The following TRAPPC9 variants were observed in gnomAD, a reference collection of about 807,000 sequenced individuals.
TRAPPC9 encodes the protein IKK2 binding protein.
TRAPPC9 carries 83 observed loss-of-function variants against 124.0 expected under a neutral mutation model. The observed-to-expected ratio is 0.67, with a 90% CI of 0.56 to 0.80. The LOEUF is 0.80. Ranked by LOEUF, TRAPPC9 falls within the 30% of genes least tolerant of loss-of-function variation. The probability of loss-of-function intolerance (pLI) is 0.00; values close to 1 mark genes in which losing one functional copy is unlikely to be tolerated. For synonymous variants in TRAPPC9, 638 were observed against 617.5 expected, an observed-to-expected ratio of 1.03 and a Z score of -0.49; for missense variants, 1,302 against 1,508.3, an observed-to-expected ratio of 0.86 and a Z score of 2.27.
At position 140,353,382 on chromosome 8, in the gene TRAPPC9, AT is replaced by A. The variant is rs1293655521; in HGVS notation, c.1495+6667del. ...TTAATATGACCTATTTATAGTATGC[AT>A]TTTTTCCCCTTCTTTTCGTAAGTAT... On this transcript the variant is annotated intron_variant, in intron 9 of 22. Coordinates refer to ENST00000438773, the MANE Select transcript of TRAPPC9 (RefSeq NM_001160372.4). This position sits in a 1 kb window ranked among gnomAD's most constrained non-coding sequence, Gnocchi z 4.2. Among the ~76,000 whole-genome samples the A allele has an allele frequency of 4.0e-5, 6 of 151,182 alleles. No homozygotes were observed. Among genetic ancestry groups the A allele is most frequent in the Admixed American group, 2.0e-4 (3 of 15,178 alleles).
intron 17 of TRAPPC9, among the ~76,000 whole-genome samples, chr8:140,076,800 T>C (rs79157138): frequency 2.0e-5 from 3 of 152,198 alleles, no homozygotes; most frequent in Non-Finnish European, 2.9e-5. Context: ...AAATTTGTAG[T>C]TGACATAGAT....
At chr8:139,982,302 C>T (rs980445790) in intron 19 of TRAPPC9, among the ~76,000 whole-genome samples, 2 of 152,170 alleles carry the variant, frequency 1.3e-5, no homozygotes, top group East Asian at 1.9e-4. Context: ...CACAGAAAGG[C>T]GGGCGGTGGA....
At chr8:140,272,600 G>C (rs779103327) in intron 15 of TRAPPC9, among the ~76,000 whole-genome samples, 6 of 152,076 alleles carry the variant, frequency 3.9e-5, no homozygotes, top group Non-Finnish European at 7.4e-5. Flanking sequence ...AGGGAGAAGA[G>C]GTTTTATTTG....
At chr8:140,454,346 G>A (rs968598800) in intron 1 of TRAPPC9, among the ~76,000 whole-genome samples, 3 of 151,042 alleles carry the variant, frequency 2.0e-5, no homozygotes, top group Non-Finnish European at 4.4e-5. Context: ...CATCTAAAAA[G>A]CAGCATAATC....
intron 18 of TRAPPC9, among the ~76,000 whole-genome samples, chr8:140,021,133 A>C (rs4736130): frequency 0.77 from 117,842 of 152,158 alleles, 46,442 homozygotes; most frequent in African/African-American, 0.93. Context: ...TTTGAGTCCT[A>C]CACATTGCCA....
chr8:139,778,094 T>C (rs954866161), intron 21 of TRAPPC9, among the ~76,000 whole-genome samples: 1 of 152,086 alleles, frequency 6.6e-6, no homozygotes, highest in Non-Finnish European at 1.5e-5. Context: ...CAAGAAACAC[T>C]TGAGAAGTTA....
At chr8:140,190,854 C>T (rs1045702293) in intron 17 of TRAPPC9, among the ~76,000 whole-genome samples, 7 of 152,126 alleles carry the variant, frequency 4.6e-5, no homozygotes, top group Non-Finnish European at 5.9e-5. Flanking sequence ...AGAACAGAGA[C>T]GAATAGAGGG....
intron 21 of TRAPPC9, among the ~76,000 whole-genome samples, chr8:139,779,859 C>T (rs564932150): frequency 2.6e-5 from 4 of 152,188 alleles, no homozygotes; most frequent in Admixed American, 6.5e-5. Context: ...AAAAGTCAAT[C>T]GCTTTCCTAT....
At chr8:139,947,924 C>A (rs28497112) in intron 19 of TRAPPC9, among the ~76,000 whole-genome samples, 2,042 of 82,866 alleles carry the variant, frequency 0.025, 113 homozygotes, top group African/African-American at 0.077. Context: ...AGAGAGAGAG[C>A]GAGAGAGAGA....
chr8:139,959,117 C>T lies in TRAPPC9; in HGVS notation c.2810+29609G>A, dbSNP rs184393506. On this transcript the variant is annotated intron_variant, in intron 19 of 22. Coordinates refer to ENST00000438773, the MANE Select transcript of TRAPPC9 (RefSeq NM_001160372.4). ...GGGGAGCCCTGCATTCCGAGTCACA[C>T]AGGGGACTGGCTCCCAGCTTGGCCA... Among the ~76,000 whole-genome samples the T allele has an allele frequency of 2.3e-3, 352 of 152,104 alleles. 2 individuals are homozygous for T. The highest frequency in any genetic ancestry group is 8.2e-3 in the African/African-American group (340 of 41,362).
chr8:140,087,259 C>T lies in TRAPPC9; in HGVS notation c.2557-63180G>A, dbSNP rs1160891067. Among the ~76,000 whole-genome samples the T allele has an allele frequency of 5.3e-5, 8 of 152,146 alleles. No homozygotes were observed. Among genetic ancestry groups the T allele is most frequent in the Admixed American group, 5.2e-4 (8 of 15,276 alleles). The stretch of plus-strand genomic sequence containing the variant: ...TCCTCTGTCTCCCGTGCCCTCCCCC[C>T]GGCCCCATCACCCTGCAGATGTCGG... On this transcript the variant is annotated intron_variant, in intron 17 of 22. Transcript: ENST00000438773. This position sits in a 1 kb window ranked among gnomAD's most constrained non-coding sequence, Gnocchi z 4.6.
Position 140,230,033 on chromosome 8 carries a change from G to C in TRAPPC9, c.2432-8450C>G, listed in dbSNP as rs1479353555. On this transcript the variant is annotated intron_variant, in intron 16 of 22. Coordinates refer to ENST00000438773, the MANE Select transcript of TRAPPC9 (RefSeq NM_001160372.4). ...GCACACAGACAGACACTTCCTCCCA[G>C]TCATTTCACAGGGAGTCCAGACTGT... Among the ~76,000 whole-genome samples the C allele has an allele frequency of 2.6e-5, 4 of 152,304 alleles. No individual in the cohort carries two copies. In the East Asian group the frequency reaches 5.8e-4, roughly 22 times the overall value.
At chr8:140,156,386 AC>A (rs1324296372) in intron 17 of TRAPPC9, among the ~76,000 whole-genome samples, 3 of 152,256 alleles carry the variant, frequency 2.0e-5, no homozygotes, top group Non-Finnish European at 4.4e-5. Flanking sequence ...TAATGCTCCC[AC>A]ACGGGGATCC....
At chr8:140,265,009 G>A (rs898313385) in intron 15 of TRAPPC9, among the ~76,000 whole-genome samples, 2 of 152,138 alleles carry the variant, frequency 1.3e-5, no homozygotes, top group Non-Finnish European at 2.9e-5. Flanking sequence ...GCCAAAACCC[G>A]TGTTCTCGTC....
intron 17 of TRAPPC9, among the ~76,000 whole-genome samples, chr8:140,135,036 T>G (rs141955178): frequency 3.5e-4 from 54 of 152,204 alleles, no homozygotes; most frequent in African/African-American, 1.1e-3. Context: ...AAAGAAGATA[T>G]AAAAATGGCC....
intron 21 of TRAPPC9, among the ~76,000 whole-genome samples, chr8:139,802,304 T>C (rs1410564911): frequency 2.0e-5 from 3 of 152,174 alleles, no homozygotes; most frequent in Non-Finnish European, 4.4e-5. Context: ...ACCTCCGCTT[T>C]GCTGGCCCCA....
intron 21 of TRAPPC9, among the ~76,000 whole-genome samples, chr8:139,824,392 C>T (rs1175793610): frequency 6.6e-6 from 1 of 152,156 alleles, no homozygotes; most frequent in African/African-American, 2.4e-5. Context: ...CACCACGTGG[C>T]TAAGGCCTTG....
chr8:139,927,936 T>A (rs1832906753), intron 19 of TRAPPC9, among the ~76,000 whole-genome samples: 1 of 152,128 alleles, frequency 6.6e-6, no homozygotes. Flanking sequence ...ACGCCAGGGG[T>A]TGCTGTGGGA....
chr8:139,877,614 C>T (rs993488762), intron 21 of TRAPPC9, among the ~76,000 whole-genome samples: 6 of 152,290 alleles, frequency 3.9e-5, no homozygotes, highest in East Asian at 1.9e-4. Flanking sequence ...GGGATTCAGG[C>T]CCCAGAAGCA....
Sources: gnomAD v4.1 joint callset for allele counts (sites outside exome capture counted in the v4.1 genomes callset) on GRCh38, gnomAD v4.1.1 for gene constraint, Gnocchi (gnomAD v3.1) non-coding constraint, MANE v1.5 for transcripts, NCBI Gene and HGNC (gene_info 2026-07-23, HGNC 2026-07-21) for gene names.